Variants in GALNT13 observed in about 807,000 individuals in gnomAD.
GALNT13 encodes UDP-GalNAc:polypeptide N-acetylgalactosaminyltransferase 13.
GALNT13 carries 28 observed loss-of-function variants against 64.2 expected under a neutral mutation model. The ratio of observed to expected loss-of-function variants is 0.44; its 90% CI spans 0.32 to 0.60. GALNT13 has a LOEUF of 0.60. GALNT13 is among the 20% of genes least tolerant of loss of function. The probability of loss-of-function intolerance (pLI) is 0.05; values close to 1 mark genes in which losing one functional copy is unlikely to be tolerated. For synonymous variants in GALNT13, 214 were observed against 224.6 expected (o/e 0.95, Z 0.42); for missense variants, 577 against 669.8 (o/e 0.86, Z 1.53).
chr2:153,271,519 G>T, the GALNT13 span, among the ~76,000 whole-genome samples: 8 of 152,164 alleles, frequency 5.3e-5, no homozygotes, highest in East Asian at 1.9e-4. Flanking sequence ...ATTCACAATT[G>T]CTACAAAGAG....
chr2:153,174,740 C>A, the GALNT13 span, among the ~76,000 whole-genome samples: 1,603 of 152,274 alleles, frequency 0.011, 29 homozygotes, highest in African/African-American at 0.037. Flanking sequence ...ACAAGAATCA[C>A]ATTTCCTCTA....
At chr2:154,146,727 T>C (rs1041568432) in intron 4 of GALNT13, among the ~76,000 whole-genome samples, 4 of 152,068 alleles carry the variant, frequency 2.6e-5, no homozygotes, top group African/African-American at 7.2e-5. Context: ...ATAGAAATGC[T>C]GTCAGGATAA....
At chr2:153,818,978 G>C in the GALNT13 span, among the ~76,000 whole-genome samples, 1 of 152,056 alleles carries the variant, frequency 6.6e-6, no homozygotes, top group East Asian at 1.9e-4. Flanking sequence ...TGGACCAGCC[G>C]GACCTGGGTC....
chr2:153,201,094 G>A, the GALNT13 span, among the ~76,000 whole-genome samples: 1 of 152,160 alleles, frequency 6.6e-6, no homozygotes, highest in Non-Finnish European at 1.5e-5. Flanking sequence ...CGGTTTCTCT[G>A]ATTCTGTTGA....
intron 3 of GALNT13, among the ~76,000 whole-genome samples, chr2:154,109,284 G>A (rs1326803307): frequency 6.6e-6 from 1 of 151,910 alleles, no homozygotes; most frequent in East Asian, 1.9e-4. Flanking sequence ...TTTTTAGATA[G>A]TTTGTTCTTA....
the GALNT13 span, among the ~76,000 whole-genome samples, chr2:153,088,523 C>T: frequency 2.0e-5 from 3 of 152,128 alleles, no homozygotes; most frequent in Admixed American, 1.3e-4. Flanking sequence ...CTTTGACTTT[C>T]TGTCTTGATG....
At chr2:153,704,925 G>A in the GALNT13 span, among the ~76,000 whole-genome samples, 330 of 152,272 alleles carry the variant, frequency 2.2e-3, 7 homozygotes, top group East Asian at 0.045. Context: ...CTCCTCAGTC[G>A]TGTGATAAAT....
At chr2:153,883,112 C>T (rs1686896461) in intron 1 of GALNT13, among the ~76,000 whole-genome samples, 1 of 145,042 alleles carries the variant, frequency 6.9e-6, no homozygotes. Context: ...TTGAAAAGAT[C>T]CAGGAAAATA....
the GALNT13 span, among the ~76,000 whole-genome samples, chr2:153,078,325 T>A: frequency 1.3e-5 from 2 of 151,376 alleles, no homozygotes; most frequent in African/African-American, 4.8e-5. Context: ...ATTCTTTTTT[T>A]TTTTTTTTTC....
the GALNT13 span, among the ~76,000 whole-genome samples, chr2:153,519,218 T>A: frequency 6.6e-6 from 1 of 152,190 alleles, no homozygotes; most frequent in African/African-American, 2.4e-5. Context: ...ACGGCTTGAT[T>A]TAATAATTCA....
the GALNT13 span, among the ~76,000 whole-genome samples, chr2:153,126,645 C>A: frequency 2.0e-5 from 3 of 151,986 alleles, no homozygotes; most frequent in Non-Finnish European, 2.9e-5. Flanking sequence ...TGCAAAAGTA[C>A]GGCCAATCTT....
intron 2 of GALNT13, among the ~76,000 whole-genome samples, chr2:153,905,056 A>C (rs1160103310): frequency 6.6e-6 from 1 of 151,938 alleles, no homozygotes; most frequent in Non-Finnish European, 1.5e-5. Context: ...GCTACTTTTT[A>C]AATATTCTTA....
the GALNT13 span, among the ~76,000 whole-genome samples, chr2:153,747,320 T>A: frequency 0.011 from 1,596 of 151,938 alleles, 20 homozygotes; most frequent in Non-Finnish European, 0.017. Context: ...TTATTTTTTG[T>A]ACCCATTAAC....
At chr2:153,735,780 G>A in the GALNT13 span, among the ~76,000 whole-genome samples, 1 of 152,148 alleles carries the variant, frequency 6.6e-6, no homozygotes, top group Non-Finnish European at 1.5e-5. Flanking sequence ...TCCAGGATTA[G>A]ATTTGGGCCA....
chr2:153,544,306 A>T, the GALNT13 span, among the ~76,000 whole-genome samples: 1 of 152,184 alleles, frequency 6.6e-6, no homozygotes, highest in Admixed American at 6.5e-5. Context: ...AGGAAAAATA[A>T]TTCTATCCAG....
chr2:154,314,389 C>A (rs1694218004), intron 9 of GALNT13, among the ~76,000 whole-genome samples: 1 of 152,122 alleles, frequency 6.6e-6, no homozygotes, highest in African/African-American at 2.4e-5. Context: ...TCAGCTAAGT[C>A]CCCCAAATTA....
the GALNT13 span, among the ~76,000 whole-genome samples, chr2:153,110,338 G>A: frequency 6.6e-6 from 1 of 152,150 alleles, no homozygotes; most frequent in Admixed American, 6.6e-5. Flanking sequence ...TTTTCATGAG[G>A]ATGGACAAAA....
chr2:154,389,825 T>A (rs1336843241), intron 9 of GALNT13, among the ~76,000 whole-genome samples: 2 of 152,090 alleles, frequency 1.3e-5, no homozygotes, highest in African/African-American at 4.8e-5. Context: ...AATGTAATTA[T>A]GTGTAGGGAA....
the GALNT13 span, among the ~76,000 whole-genome samples, chr2:153,425,308 T>TGGG: frequency 6.6e-6 from 1 of 151,702 alleles, no homozygotes; most frequent in African/African-American, 2.4e-5. Flanking sequence ...TATTCCTTTG[T>TGGG]TTGCAATATT....
Sources: allele counts gnomAD v4.1 joint callset (sites outside exome capture counted in the v4.1 genomes callset), GRCh38; gene constraint gnomAD v4.1.1; transcripts MANE v1.5; gene names NCBI Gene and HGNC (gene_info 2026-07-23, HGNC 2026-07-21).